SLCO1B1: variants seen among roughly 807,000 people sequenced by gnomAD.
The protein encoded by SLCO1B1 is solute carrier organic anion transporter family member 1B1.
Under a neutral mutation model 70.1 loss-of-function variants are expected in SLCO1B1, and 81 were observed. The ratio of observed to expected loss-of-function variants is 1.16; its 90% confidence interval spans 0.97 to 1.39. The LOEUF is 1.39. Ranked by LOEUF, SLCO1B1 falls within the 40% of genes most tolerant of loss-of-function variation. The pLI is 0.00. For synonymous variants in SLCO1B1, 283 were observed against 271.5 expected (o/e 1.04, Z -0.42); for missense variants, 895 against 799.6 (o/e 1.12, Z -1.44).
intron 11 of SLCO1B1, among the ~76,000 whole-genome samples, chr12:21,206,924 C>T (rs565319048): frequency 8.4e-4 from 127 of 151,850 alleles, no homozygotes; most frequent in Non-Finnish European, 1.6e-3. Flanking sequence ...CATGGATCTA[C>T]CTACCAATTA....
intron 12 of SLCO1B1, 70 bp downstream of exon 12, chr12:21,217,373 T>C: frequency 1.7e-6 from 2 of 1,143,112 alleles, no homozygotes; most frequent in Non-Finnish European, 2.6e-6. Context: ...ATGCATATTT[T>C]TACATAATAT....
chr12:21,235,291 GTAA>G (rs368611034), intron 14 of SLCO1B1, among the ~76,000 whole-genome samples: 11 of 151,424 alleles, frequency 7.3e-5, no homozygotes, highest in African/African-American at 2.7e-4. Context: ...TTATCATTAT[GTAA>G]TGCACTTACT....
At chr12:21,194,308 C>T (rs542011208) in intron 7 of SLCO1B1, among the ~76,000 whole-genome samples, 5 of 151,826 alleles carry the variant, frequency 3.3e-5, no homozygotes, top group Admixed American at 6.6e-5. Context: ...TGAGCCACCG[C>T]GCCTGGCCTA....
intron 2 of SLCO1B1, among the ~76,000 whole-genome samples, chr12:21,155,563 A>G (rs1260769994): frequency 1.3e-5 from 2 of 152,014 alleles, no homozygotes; most frequent in East Asian, 1.9e-4. Flanking sequence ...AGACATCACT[A>G]TTTTGCCCTG....
chr12:21,225,948 A>G (rs1941477520), intron 14 of SLCO1B1, among the ~76,000 whole-genome samples: 1 of 152,258 alleles, frequency 6.6e-6, no homozygotes, highest in Admixed American at 6.5e-5. Flanking sequence ...CTGCACTTGC[A>G]TATGAAAAAA....
chr12:21,164,856 A>G (rs765063444), intron 2 of SLCO1B1: 17 of 491,042 alleles, frequency 3.5e-5, no homozygotes, highest in Admixed American at 6.4e-5. Context: ...ACATAACATT[A>G]CAAACTTATG....
intron 3 of SLCO1B1, 42 bp downstream of exon 3, chr12:21,172,833 T>TA (rs71581983): frequency 1.2e-4 from 183 of 1,553,096 alleles, no homozygotes; most frequent in Non-Finnish European, 1.6e-4. Flanking sequence ...CTTGCAAAGT[T>TA]AAAAAATATA....
intron 1 of SLCO1B1, among the ~76,000 whole-genome samples, chr12:21,140,426 C>T (rs1940292730): frequency 6.6e-6 from 1 of 152,006 alleles, no homozygotes; most frequent in African/African-American, 2.4e-5. Flanking sequence ...AAAGTTAACT[C>T]ATTTTACTAG....
intron 8 of SLCO1B1, 58 bp from the exon 9 acceptor site, chr12:21,200,450 A>G (rs2121145776): frequency 8.7e-7 from 1 of 1,143,064 alleles, no homozygotes; most frequent in East Asian, 2.6e-5. Flanking sequence ...CAAATTTTAG[A>G]TATAAATGTA....
Position 21,176,872 on chromosome 12 carries a change from A to G in SLCO1B1, c.456A>G (p.Arg152=), listed in dbSNP as rs757005671. 10 of 1,562,436 alleles carry G rather than the reference A, an allele frequency of 6.4e-6. No homozygotes were observed. The highest frequency in any genetic ancestry group is 7.9e-6 in the Non-Finnish European group (9 of 1,132,830). The change falls in exon 5 of 15, where the codon AGA becomes AGG. Residue 152 remains arginine, a synonymous_variant. Transcript: ENST00000256958. ...CLINQILSLN[R]ASPEIVGKGC... ...TTAATCAAATTTTATCACTCAATAG[A>G]GCATCACCTGAGATAGTGGGAAAAG...
chr12:21,156,569 G>A (rs910886067), intron 2 of SLCO1B1, among the ~76,000 whole-genome samples: 10 of 152,102 alleles, frequency 6.6e-5, no homozygotes, highest in Non-Finnish European at 8.8e-5. Flanking sequence ...ATTGCCTAAC[G>A]TTAGTTAATA....
intron 7 of SLCO1B1, among the ~76,000 whole-genome samples, chr12:21,193,605 T>C (rs747712478): frequency 4.9e-4 from 75 of 152,200 alleles, no homozygotes; most frequent in Non-Finnish European, 8.2e-4. Context: ...TTTTTCTTTC[T>C]TTGACAAATA....
intron 7 of SLCO1B1, among the ~76,000 whole-genome samples, chr12:21,192,038 C>A (rs1289075354): frequency 6.6e-6 from 1 of 151,838 alleles, no homozygotes; most frequent in Non-Finnish European, 1.5e-5. Context: ...GGATTTTCTC[C>A]TCTGTCTTCA....
rs374968871 is a variant in SLCO1B1 at position 21,182,428 on chromosome 12, C to G, written c.727+3408C>G. 2.5e-3 allele frequency among the ~76,000 whole-genome samples: 380 copies of G among 152,282 alleles called. 2 individuals are homozygous for G. Among genetic ancestry groups the G allele is most frequent in the Non-Finnish European group, 1.3e-3 (87 of 68,020 alleles). On this transcript the variant is annotated intron_variant, in intron 7 of 14. Coordinates refer to ENST00000256958, the MANE Select transcript of SLCO1B1 (RefSeq NM_006446.5). ...CCATAGGCGCCCAACATCCAAGGCT[C>G]TCTTTCTTCCACCAAGTAGCTCTCA...
intron 11 of SLCO1B1, among the ~76,000 whole-genome samples, chr12:21,211,098 T>C (rs558740903): frequency 2.0e-5 from 3 of 152,346 alleles, no homozygotes; most frequent in African/African-American, 7.2e-5. Flanking sequence ...CAACACTCTG[T>C]TGAATAGGAG....
intron 3 of SLCO1B1, among the ~76,000 whole-genome samples, chr12:21,173,738 C>A (rs12320965): frequency 0.51 from 75,481 of 148,106 alleles, 20,684 homozygotes; most frequent in East Asian, 0.75. Context: ...ATTGTTATGC[C>A]TGAGGCTCCA....
chr12:21,202,732 A>C, intron 10 of SLCO1B1, 46 bp downstream of exon 10: 1 of 1,425,614 alleles, frequency 7.0e-7, no homozygotes, highest in Non-Finnish European at 9.8e-7. Context: ...TTAACCATCA[A>C]ATTAAGAGTC....
At chr12:21,156,914 T>G in intron 2 of SLCO1B1, among the ~76,000 whole-genome samples, 1 of 152,164 alleles carries the variant, frequency 6.6e-6, no homozygotes, top group East Asian at 1.9e-4. Flanking sequence ...AATTTAAGTT[T>G]CAGAAATAAA....
At chr12:21,207,322 A>G (rs1215564525) in intron 11 of SLCO1B1, among the ~76,000 whole-genome samples, 3 of 151,662 alleles carry the variant, frequency 2.0e-5, no homozygotes, top group Middle Eastern at 3.4e-3. Flanking sequence ...TGTAATATGT[A>G]TTTTTCCTGT....
Sources: allele counts gnomAD v4.1 joint callset (sites outside exome capture counted in the v4.1 genomes callset), GRCh38; gene constraint gnomAD v4.1.1; transcripts MANE v1.5; gene names NCBI Gene and HGNC (gene_info 2026-07-23, HGNC 2026-07-21).